The following RAB31 variants were observed in gnomAD, a reference collection of about 807,000 sequenced individuals.
The protein encoded by RAB31 is RAB31, member RAS oncogene family.
Under a neutral mutation model 25.6 loss-of-function variants are expected in RAB31, and 21 were observed. The ratio of observed to expected loss-of-function variants is 0.82; its 90% CI spans 0.58 to 1.18. RAB31 has a LOEUF of 1.18. Among genes scored for constraint, RAB31 ranks in the 50% most tolerant of loss-of-function variants. The pLI, the probability that RAB31 is intolerant of heterozygous loss-of-function variation, is 0.00. For synonymous variants in RAB31, 87 were observed against 84.0 expected (o/e 1.04, Z -0.20); for missense variants, 196 against 250.1 (o/e 0.78, Z 1.46).
intron 1 of RAB31, chr18:9,758,023 G>A (rs78258961): frequency 0.076 from 11,613 of 152,296 alleles, 548 homozygotes; most frequent in Middle Eastern, 0.14. Context: ...CAGTTGTTCC[G>A]CACATCCCTT....
chr18:9,845,556 CTG>C, intron 5 of RAB31, 24 bp from the exon 6 acceptor site: 1 of 1,501,644 alleles, frequency 6.7e-7, no homozygotes, highest in South Asian at 1.3e-5. Flanking sequence ...CATTCATTTC[CTG>C]TCTACATTTG....
chr18:9,797,942 T>C (rs1289477851), intron 3 of RAB31, among the ~76,000 whole-genome samples: 1 of 152,240 alleles, frequency 6.6e-6, no homozygotes, highest in East Asian at 1.9e-4. Flanking sequence ...TTGTTCCACT[T>C]ACCATCGCAA....
At chr18:9,745,642 A>G (rs1475749000) in intron 1 of RAB31, among the ~76,000 whole-genome samples, 1 of 152,220 alleles carries the variant, frequency 6.6e-6, no homozygotes, top group Non-Finnish European at 1.5e-5. Context: ...ACTAAAACGG[A>G]TCGATGTAAT....
rs2067996636 is a variant in RAB31, at chr18:9,708,367, G to A, written c.-39G>A. The A allele has an allele frequency of 1.3e-6, 2 of 1,494,016 alleles. No homozygotes were observed. The highest frequency in any genetic ancestry group is 1.4e-5 in the African/African-American group (1 of 69,380). 92.5% of individuals were successfully genotyped at this position (1,494,016 alleles called of 1,614,324 possible). Reference sequence around the variant, plus strand: ...GGGGCGCGGGCGCGGCGGCCCCGGAGGATGCTGCTGAGCCCCGGCACTGCC... The same window carrying A: ...GGGGCGCGGGCGCGGCGGCCCCGGAAGATGCTGCTGAGCCCCGGCACTGCC... On this transcript the variant is annotated 5_prime_UTR_variant, in exon 1 of 7. Coordinates refer to ENST00000578921, the MANE Select transcript of RAB31 (RefSeq NM_006868.4). The surrounding 1 kb of genome is among the most constrained non-coding windows in gnomAD (Gnocchi z 6.4).
At chr18:9,735,814 A>G (rs59690779) in intron 1 of RAB31, among the ~76,000 whole-genome samples, 121 of 152,288 alleles carry the variant, frequency 7.9e-4, no homozygotes, top group African/African-American at 2.7e-3. Context: ...GATGTAGAAA[A>G]TCAGTAACAT....
intron 1 of RAB31, among the ~76,000 whole-genome samples, chr18:9,727,625 T>C (rs1454480650): frequency 3.9e-5 from 6 of 152,216 alleles, no homozygotes; most frequent in African/African-American, 1.4e-4. Flanking sequence ...CTGAGAAGCA[T>C]GTTAATTGTG....
chr18:9,721,335 G>A (rs977258752), intron 1 of RAB31, among the ~76,000 whole-genome samples: 5 of 152,154 alleles, frequency 3.3e-5, no homozygotes, highest in Admixed American at 6.6e-5. Context: ...GGTCGACCGG[G>A]GACAGTGGCT....
rs75419654 is a variant in RAB31 at position 9,712,747 on chromosome 18, G to A, written c.39+4303G>A. 2.2e-4 allele frequency among the ~76,000 whole-genome samples: 6 copies of A among 27,124 alleles called. No homozygotes were observed. In the South Asian group the frequency reaches 5.3e-3, roughly 24 times the overall value. 17.8% of individuals were successfully genotyped at this position (27,124 alleles called of 152,430 possible). ...TTGTGTGCGTGCACTTAAAAACTGC[G>A]TGCACTTAAAAACTGCTTCCTGATG... On this transcript the variant is annotated intron_variant, in intron 1 of 6. Transcript: ENST00000578921.
intron 1 of RAB31, among the ~76,000 whole-genome samples, chr18:9,770,704 T>C (rs1213027845): frequency 6.6e-6 from 1 of 152,154 alleles, no homozygotes. Flanking sequence ...TTCTAATGTC[T>C]CCCCGGCAGT....
intron 1 of RAB31, among the ~76,000 whole-genome samples, chr18:9,745,070 A>G (rs2068198712): frequency 6.6e-6 from 1 of 152,172 alleles, no homozygotes; most frequent in Non-Finnish European, 1.5e-5. Context: ...CTACATTACT[A>G]AGAAAAAAAG....
chr18:9,823,887 C>T (rs1213363891), intron 5 of RAB31, among the ~76,000 whole-genome samples: 2 of 152,192 alleles, frequency 1.3e-5, no homozygotes, highest in Non-Finnish European at 2.9e-5. Flanking sequence ...ATGTCTGTCT[C>T]CTGTGAGACA....
At chr18:9,772,868 C>G (rs2068352291) in intron 1 of RAB31, among the ~76,000 whole-genome samples, 1 of 151,946 alleles carries the variant, frequency 6.6e-6, no homozygotes, top group Non-Finnish European at 1.5e-5. Flanking sequence ...CAAGGATTTG[C>G]TCCTCCACAG....
At chr18:9,751,102 A>G (rs2068232848) in intron 1 of RAB31, among the ~76,000 whole-genome samples, 1 of 152,112 alleles carries the variant, frequency 6.6e-6, no homozygotes, top group Admixed American at 6.6e-5. Flanking sequence ...CGGTGTGATC[A>G]TAGCTCACTG....
At chr18:9,856,463 T>G (rs1311141200) in intron 6 of RAB31, 2 of 152,222 alleles carry the variant, frequency 1.3e-5, no homozygotes, top group Non-Finnish European at 2.9e-5. Context: ...ATAAACTTTT[T>G]CTTTAATTTG....
At chr18:9,737,218 T>C (rs907337087) in intron 1 of RAB31, among the ~76,000 whole-genome samples, 2 of 152,204 alleles carry the variant, frequency 1.3e-5, no homozygotes, top group African/African-American at 2.4e-5. Flanking sequence ...TTTAATTCTA[T>C]AGCAGTCTTT....
intron 3 of RAB31, among the ~76,000 whole-genome samples, chr18:9,802,994 C>A (rs1417557601): frequency 2.0e-5 from 3 of 152,200 alleles, no homozygotes; most frequent in Admixed American, 2.0e-4. Context: ...GAGCCTCTTA[C>A]AAGCTCAGAA....
chr18:9,721,667 C>T (rs1053142311), intron 1 of RAB31, among the ~76,000 whole-genome samples: 1 of 151,140 alleles, frequency 6.6e-6, no homozygotes, highest in Non-Finnish European at 1.5e-5. Context: ...TGTGATTCTG[C>T]AGCACATGCA....
chr18:9,790,333 C>T (rs1303477972), intron 2 of RAB31, among the ~76,000 whole-genome samples: 1 of 152,070 alleles, frequency 6.6e-6, no homozygotes, highest in Non-Finnish European at 1.5e-5. Flanking sequence ...TCAAGCTGTC[C>T]TTCTGCCTCA....
chr18:9,844,292 G>A (rs935562231), intron 5 of RAB31, among the ~76,000 whole-genome samples: 6 of 152,082 alleles, frequency 3.9e-5, no homozygotes, highest in Admixed American at 3.9e-4. Context: ...TCATTCATTT[G>A]CAAATCCGCC....
Sources: allele counts gnomAD v4.1 joint callset (sites outside exome capture counted in the v4.1 genomes callset), GRCh38; gene constraint gnomAD v4.1.1; non-coding constraint Gnocchi (gnomAD v3.1); transcripts MANE v1.5; gene names NCBI Gene and HGNC (gene_info 2026-07-23, HGNC 2026-07-21).